TOE1: variants seen among roughly 807,000 people sequenced by gnomAD.
TOE1 encodes the protein target of EGR1 protein 1.
TOE1 carries 50 observed loss-of-function variants against 49.2 expected under a neutral mutation model. That is an observed-to-expected ratio of 1.02 (90% CI 0.81 to 1.29). The LOEUF (loss-of-function observed/expected upper bound fraction) is 1.29, where lower values mean the gene tolerates loss of function less well. Ranked by LOEUF, TOE1 falls within the 50% of genes most tolerant of loss-of-function variation. The probability of loss-of-function intolerance (pLI) is 0.00; values close to 1 mark genes in which losing one functional copy is unlikely to be tolerated. For synonymous variants in TOE1, 221 were observed against 247.0 expected, an observed-to-expected ratio of 0.89 and a Z score of 0.99; for missense variants, 544 against 654.4, an observed-to-expected ratio of 0.83 and a Z score of 1.84.
rs149059377 is a variant in TOE1, at chr1:45,343,548, C to T, written c.1379C>T (p.Pro460Leu). The change falls in exon 8 of 8, where the codon CCG becomes CTG. Residue 460 changes from proline (P) to leucine (L), a missense_variant. Transcript: ENST00000372090. This position sits in a 1 kb window ranked among gnomAD's most constrained non-coding sequence, Gnocchi z 4.3. ...GCCTATGTGGAAGTGAGCCAGGGAC[C>T]GCAGCCCTGCAGCTCTGGACCCTGG... ...VMAYVEVSQGPQPCSSGPWLP... is the reference protein window; with the variant it reads ...VMAYVEVSQGLQPCSSGPWLP... The T allele has an allele frequency of 6.9e-4, 1,113 of 1,614,032 alleles. 7 individuals carry two copies. The African/African-American group carries it at 8.1e-3, about 12-fold the overall frequency.
rs775292915 is a variant in TOE1 at position 45,340,312 on chromosome 1, G to T, written c.52+8G>T. ...CTCCCGCAGCTTCCGACGGTGAGCGGCTTCCCAGAGGTAGCCTTCAAAGCC... is the reference window on the plus strand; with the variant it reads ...CTCCCGCAGCTTCCGACGGTGAGCGTCTTCCCAGAGGTAGCCTTCAAAGCC... On this transcript the variant is annotated splice_region_variant and intron_variant, in intron 1 of 7. Coordinates refer to ENST00000372090, the MANE Select transcript of TOE1 (RefSeq NM_025077.4). 6.2e-7 allele frequency: 1 copy of T among 1,611,454 alleles called. No homozygotes were observed. Among genetic ancestry groups the T allele is most frequent in the Non-Finnish European group, 8.5e-7 (1 of 1,179,186 alleles).
Position 45,340,257 on chromosome 1 carries a change from C to A in TOE1, c.5C>A (p.Ala2Asp), listed in dbSNP as rs748689064. The stretch of plus-strand genomic sequence containing the variant: ...AGGCGGGAGACGAGCGGTGTCATGG[C>A]CGCCGACAGTGACGATGGCGCAGTT... Reference protein sequence around the residue: MAADSDDGAVSA... With the variant: MDADSDDGAVSA... Residue 2 changes from alanine (A) to aspartate (D), a missense_variant, in exon 1 of 8, where the codon GCC becomes GAC. By Grantham distance (126) the Ala-to-Asp change is moderately radical (BLOSUM62 -2). Transcript: ENST00000372090. The A allele has an allele frequency of 9.9e-6, 16 of 1,613,788 alleles. No individual in the cohort carries two copies. The highest frequency in any genetic ancestry group is 1.4e-5 in the Non-Finnish European group (16 of 1,180,004).
Position 45,340,281 on chromosome 1 carries a change from T to G in TOE1, c.29T>G (p.Val10Gly). The change falls in exon 1 of 8, where the codon GTT (valine) becomes GGT (glycine). Residue 10 changes from valine to glycine, a missense_variant. Val to Gly is a moderately radical substitution (Grantham distance 109, BLOSUM62 -3). Transcript: ENST00000372090. MAADSDDGA[V>G]SAPAASDGGV... The stretch of plus-strand genomic sequence containing the variant: ...GCCGCCGACAGTGACGATGGCGCAG[T>G]TTCAGCTCCCGCAGCTTCCGACGGT... The G allele has an allele frequency of 6.2e-7, 1 of 1,613,664 alleles. No individual in the cohort carries two copies. The highest frequency in any genetic ancestry group is 8.5e-7 in the Non-Finnish European group (1 of 1,179,972).
chr1:45,341,272 CTG>C, intron 2 of TOE1, 29 bp from the exon 3 acceptor site: 1 of 1,614,186 alleles, frequency 6.2e-7, no homozygotes, highest in Non-Finnish European at 8.5e-7. Flanking sequence ...TGCTAGAGGC[CTG>C]TCACAACTCT....
At position 45,342,824 on chromosome 1, in the gene TOE1, C is replaced by A; in HGVS notation, c.753-19C>A. The A allele has an allele frequency of 6.2e-7, 1 of 1,613,926 alleles. No homozygotes were observed. Among genetic ancestry groups the A allele is most frequent in the Non-Finnish European group, 8.5e-7 (1 of 1,179,884 alleles). Reference sequence around the variant, plus strand: ...GAGCTTATATGCTAGTGGACCATTACCCTCTTGCGCTGTTGCAGTGAACGG... The same window carrying A: ...GAGCTTATATGCTAGTGGACCATTAACCTCTTGCGCTGTTGCAGTGAACGG... On this transcript the variant is annotated intron_variant, in intron 6 of 7. Coordinates refer to ENST00000372090, the MANE Select transcript of TOE1 (RefSeq NM_025077.4).
chr1:45,342,808 T>G, intron 6 of TOE1, 35 bp from the exon 7 acceptor site: 1 of 1,613,638 alleles, frequency 6.2e-7, no homozygotes, highest in African/African-American at 1.3e-5. Flanking sequence ...GGAGCTTATA[T>G]GCTAGTGGAC....
chr1:45,343,384 G>A lies in TOE1; in HGVS notation c.1215G>A (p.Met405Ile). 2 of 1,614,048 alleles carry A rather than the reference G, an allele frequency of 1.2e-6. No individual in the cohort carries two copies. Among genetic ancestry groups the A allele is most frequent in the Non-Finnish European group, 8.5e-7 (1 of 1,180,022 alleles). The change falls in exon 8 of 8, where the codon ATG becomes ATA. Residue 405 changes from methionine to isoleucine, a missense_variant. By Grantham distance (10) the Met-to-Ile change is conservative. Transcript: ENST00000372090. This position sits in a 1 kb window ranked among gnomAD's most constrained non-coding sequence, Gnocchi z 4.3. ...AAGGCAACAAAAATGACTTAGAGAT[G>A]GGGATTAAGGCAGCAAGGCCTGAAA... ...SKQGNKNDLE[M>I]GIKAARPEIA...
At chr1:45,342,194 T>G in intron 5 of TOE1, 87 bp downstream of exon 5, 1 of 1,551,958 alleles carries the variant, frequency 6.4e-7, no homozygotes, top group African/African-American at 1.4e-5. Flanking sequence ...GGGGAGAATC[T>G]GCTTCTTAGG....
intron 5 of TOE1, 89 bp downstream of exon 5, chr1:45,342,196 C>T: frequency 6.5e-7 from 1 of 1,544,188 alleles, no homozygotes; most frequent in Non-Finnish European, 8.8e-7. Context: ...GGAGAATCTG[C>T]TTCTTAGGGA....
chr1:45,341,137 G>A lies in TOE1; in HGVS notation c.117G>A (p.Val39=), dbSNP rs772298228. ...TAGTCCAGGTTCCCGTAGTGGATGT[G>A]CAAAGCAACAACTTCAAGGAGATGT... ...ELVVQVPVVD[V]QSNNFKEMWP... Residue 39 remains valine, a synonymous_variant, in exon 2 of 8, where the codon GTG becomes GTA. Transcript: ENST00000372090. The A allele has an allele frequency of 1.8e-5, 29 of 1,614,076 alleles. No individual in the cohort carries two copies. Among genetic ancestry groups the A allele is most frequent in the Non-Finnish European group, 1.9e-5 (22 of 1,180,050 alleles).
intron 1 of TOE1, 147 bp downstream of exon 1, chr1:45,340,451 G>A: frequency 6.7e-7 from 1 of 1,489,418 alleles, no homozygotes; most frequent in East Asian, 2.5e-5. Flanking sequence ...AAGTTCCGTT[G>A]TACACCGCGG....
In TOE1 at chr1:45,342,556, T is replaced by A; in HGVS notation, c.665T>A (p.Phe222Tyr). ...GTFTADLCEM[F>Y]PAGIYDTKYA... ...TTCACCGCTGACCTGTGTGAGATGT[T>A]CCCAGCAGGCATTTATGACACCAAA... The change falls in exon 6 of 8, where the codon TTC becomes TAC. Residue 222 changes from phenylalanine (F) to tyrosine (Y), a missense_variant. By Grantham distance (22) the Phe-to-Tyr change is conservative (BLOSUM62 3). Transcript: ENST00000372090. The A allele has an allele frequency of 6.2e-7, 1 of 1,614,164 alleles. No individual in the cohort carries two copies. Among genetic ancestry groups the A allele is most frequent in the Non-Finnish European group, 8.5e-7 (1 of 1,180,020 alleles).
In TOE1 at chr1:45,341,927, A is replaced by G. The variant is rs779980001; in HGVS notation, c.334-22A>G. On this transcript the variant is annotated intron_variant, in intron 4 of 7. Coordinates refer to ENST00000372090, the MANE Select transcript of TOE1 (RefSeq NM_025077.4). Reference sequence around the variant, plus strand: ...GCTTGGCTCTCTGAAATCTTGATATAGCAGACTTCTCTTTCTCCCAGGGTG... The same window carrying G: ...GCTTGGCTCTCTGAAATCTTGATATGGCAGACTTCTCTTTCTCCCAGGGTG... 1.8e-5 allele frequency: 29 copies of G among 1,611,820 alleles called. No individual in the cohort carries two copies. In the South Asian group the frequency reaches 3.0e-4, roughly 16 times the overall value.
At position 45,340,278 on chromosome 1, in the gene TOE1, C is replaced by T. The variant is rs1305609192; in HGVS notation, c.26C>T (p.Ala9Val). The change falls in exon 1 of 8, where the codon GCA (alanine) becomes GTA (valine). Residue 9 changes from alanine (A) to valine (V), a missense_variant. Ala to Val is a moderately conservative substitution (Grantham distance 64). Coordinates refer to ENST00000372090, the MANE Select transcript of TOE1 (RefSeq NM_025077.4). The stretch of plus-strand genomic sequence containing the variant: ...ATGGCCGCCGACAGTGACGATGGCG[C>T]AGTTTCAGCTCCCGCAGCTTCCGAC... Reference protein sequence around the residue: MAADSDDGAVSAPAASDGG... With the variant: MAADSDDGVVSAPAASDGG... 6.2e-7 allele frequency: 1 copy of T among 1,613,696 alleles called. No individual in the cohort carries two copies. Among genetic ancestry groups the T allele is most frequent in the East Asian group, 2.2e-5 (1 of 44,874 alleles).
intron 1 of TOE1, 161 bp downstream of exon 1, chr1:45,340,465 C>T: frequency 1.4e-6 from 2 of 1,473,130 alleles, no homozygotes; most frequent in Non-Finnish European, 9.0e-7. Context: ...ACCGCGGCTC[C>T]GGCTGCAAAA....
chr1:45,341,993 G>C lies in TOE1; in HGVS notation c.378G>C (p.Leu126=). ...YLAQVFNLTL[L]CMEEYVIEPK... Reference sequence around the variant, plus strand: ...CTCAAGTGTTCAATCTCACTCTGCTGTGCATGGAGGAGTATGTCATAGAAC... The same window carrying C: ...CTCAAGTGTTCAATCTCACTCTGCTCTGCATGGAGGAGTATGTCATAGAAC... Residue 126 remains leucine, a synonymous_variant, in exon 5 of 8, where the codon CTG becomes CTC. Transcript: ENST00000372090. The C allele has an allele frequency of 1.2e-6, 2 of 1,614,054 alleles. No homozygotes were observed. Among genetic ancestry groups the C allele is most frequent in the Non-Finnish European group, 1.7e-6 (2 of 1,179,966 alleles).
Position 45,341,195 on chromosome 1 carries a change from A to G in TOE1, c.175A>G (p.Asn59Asp). ...PSLLLAIKTA[N>D]FVAVDTELSG... Reference sequence around the variant, plus strand: ...CCTCCTGCTAGCCATAAAGACAGCTAATTTCGTGGCTGTGGACACGGTGAG... The same window carrying G: ...CCTCCTGCTAGCCATAAAGACAGCTGATTTCGTGGCTGTGGACACGGTGAG... Residue 59 changes from asparagine (N) to aspartate (D), a missense_variant, in exon 2 of 8, where the codon AAT becomes GAT. Transcript: ENST00000372090. 6.2e-7 allele frequency: 1 copy of G among 1,614,134 alleles called. No individual in the cohort carries two copies. Among genetic ancestry groups the G allele is most frequent in the Non-Finnish European group, 8.5e-7 (1 of 1,180,028 alleles).
At chr1:45,340,391 A>C (rs1570595821) in intron 1 of TOE1, 87 bp downstream of exon 1, 1 of 1,548,088 alleles carries the variant, frequency 6.5e-7, no homozygotes, top group African/African-American at 1.4e-5. Context: ...GAGGCTCCTC[A>C]AGCTTCAGAG....
intron 1 of TOE1, 153 bp downstream of exon 1, chr1:45,340,457 C>A: frequency 6.8e-7 from 1 of 1,480,244 alleles, no homozygotes; most frequent in South Asian, 1.3e-5. Flanking sequence ...CGTTGTACAC[C>A]GCGGCTCCGG....
Sources: gnomAD v4.1 joint callset for allele counts on GRCh38, gnomAD v4.1.1 for gene constraint, Gnocchi (gnomAD v3.1) non-coding constraint, MANE v1.5 for transcripts, NCBI Gene and HGNC (gene_info 2026-07-23, HGNC 2026-07-21) for gene names.